PPWD1: variants seen among roughly 807,000 people sequenced by gnomAD.
PPWD1 encodes peptidylprolyl isomerase domain and WD repeat-containing protein 1.
Under a neutral mutation model 68.8 loss-of-function variants are expected in PPWD1, and 43 were observed. The ratio of observed to expected loss-of-function variants is 0.62; its 90% CI spans 0.49 to 0.81. The LOEUF is 0.81. Among genes scored for constraint, PPWD1 ranks in the 30% least tolerant of loss-of-function variants. PPWD1 has a pLI of 0.00. For missense variants in PPWD1, 672 were observed against 804.8 expected (o/e 0.83, Z 2.00); for synonymous variants, 232 against 258.7 (o/e 0.90, Z 0.99).
At chr5:65,569,789 T>A in intron 3 of PPWD1, 57 bp downstream of exon 3, 2 of 1,540,784 alleles carry the variant, frequency 1.3e-6, no homozygotes. Flanking sequence ...TAATTAAAGT[T>A]TAAATTTTTT....
In PPWD1 at chr5:65,576,733, C is replaced by A. The variant is rs539862953; in HGVS notation, c.970-146C>A. The A allele has an allele frequency of 4.0e-5, 53 of 1,336,100 alleles. No homozygotes were observed. In the East Asian group the frequency reaches 1.0e-3, roughly 26 times the overall value. The allele number at this position is 1,336,100 out of a possible 1,614,324, so 82.8% of individuals were successfully genotyped here. On this transcript the variant is annotated intron_variant, in intron 5 of 10. Coordinates refer to ENST00000261308, the MANE Select transcript of PPWD1 (RefSeq NM_015342.4). ...ATGTCTATTTCATATTGTTTAGAAT[C>A]CCTCTTAAGAAGTACAAACAGTTAG...
At position 65,563,531 on chromosome 5, in the gene PPWD1, C is replaced by T. The variant is rs779405896; in HGVS notation, c.196+25C>T. Reference sequence around the variant, plus strand: ...GGTAGCTGCAGACATAGTACCGGGACGAATTGGAGTGCTGCGTCCGCTGAG... The same window carrying T: ...GGTAGCTGCAGACATAGTACCGGGATGAATTGGAGTGCTGCGTCCGCTGAG... On this transcript the variant is annotated intron_variant, in intron 1 of 10. Transcript: ENST00000261308. The T allele has an allele frequency of 4.4e-6, 7 of 1,591,166 alleles. No homozygotes were observed. In the African/African-American group the frequency reaches 9.4e-5, roughly 21 times the overall value.
intron 2 of PPWD1, among the ~76,000 whole-genome samples, chr5:65,568,731 CAA>C (rs1294714976): frequency 6.6e-6 from 1 of 151,956 alleles, no homozygotes; most frequent in Non-Finnish European, 1.5e-5. Flanking sequence ...GTCTTGAAGA[CAA>C]ATTTAATTTC....
intron 4 of PPWD1, 48 bp downstream of exon 4, chr5:65,570,046 G>C: frequency 6.7e-7 from 1 of 1,499,738 alleles, no homozygotes; most frequent in Non-Finnish European, 9.1e-7. Flanking sequence ...GAAGTAATTT[G>C]TAAATCAGAC....
Position 65,579,654 on chromosome 5 carries a change from C to T in PPWD1, c.1350+41C>T, listed in dbSNP as rs182351522. ...AGGAGATTAGACGGTAATGTTCCTT[C>T]CAGTTTGGTTTGACTTTTCTTTGTT... On this transcript the variant is annotated intron_variant, in intron 7 of 10. Coordinates refer to ENST00000261308, the MANE Select transcript of PPWD1 (RefSeq NM_015342.4). 3.0e-5 allele frequency: 40 copies of T among 1,350,964 alleles called. No individual in the cohort carries two copies. In the Admixed American group the frequency reaches 1.0e-3, roughly 35 times the overall value. The allele number at this position is 1,350,964 out of a possible 1,614,324, so 83.7% of individuals were successfully genotyped here.
At chr5:65,569,496 C>T in intron 2 of PPWD1, 136 bp from the exon 3 acceptor site, 1 of 1,029,038 alleles carries the variant, frequency 9.7e-7, no homozygotes, top group Non-Finnish European at 1.3e-6. Context: ...ATATAGTGGT[C>T]TGCTTAAAGA....
chr5:65,567,613 C>G lies in PPWD1; in HGVS notation c.297C>G (p.Thr99=), dbSNP rs926185317. The change falls in exon 2 of 11, where the codon ACC becomes ACG. Residue 99 remains threonine, a splice_region_variant and synonymous_variant. Coordinates refer to ENST00000261308, the MANE Select transcript of PPWD1 (RefSeq NM_015342.4). ...HRDVITHVVC[T]KTDFIITASH... is the part of the protein sequence containing the mutation. ...ATGTTATCACCCATGTGGTATGCAC[C>G]AAGTAAGTCTATCACATCTTTTTTA... 2 of 1,579,824 alleles carry G rather than the reference C, an allele frequency of 1.3e-6. No individual in the cohort carries two copies. Among genetic ancestry groups the G allele is most frequent in the Non-Finnish European group, 1.7e-6 (2 of 1,163,028 alleles).
In PPWD1 at chr5:65,577,017, G is replaced by C. The variant is rs1467856582; in HGVS notation, c.1108G>C (p.Val370Leu). The C allele has an allele frequency of 1.9e-6, 3 of 1,614,082 alleles. No homozygotes were observed. The highest frequency in any genetic ancestry group is 2.5e-6 in the Non-Finnish European group (3 of 1,179,978). The change falls in exon 6 of 11, where the codon GTG becomes CTG. Residue 370 changes from valine (V) to leucine (L), a missense_variant. By Grantham distance (32) the Val-to-Leu change is conservative (BLOSUM62 1). Around this residue, in one of 2 missense-constraint regions of PPWD1, gnomAD observed 484 missense variants for 646.2 expected, o/e 0.75. Coordinates refer to ENST00000261308, the MANE Select transcript of PPWD1 (RefSeq NM_015342.4). Reference protein sequence around the residue: ...NIVFDETGHFVLYGTMLGIKV... With the variant: ...NIVFDETGHFLLYGTMLGIKV... ...AGTTTTTGATGAAACTGGACACTTC[G>C]TGCTGTATGGAACAATGCTGGGCAT...
chr5:65,567,790 C>G (rs1752844074), intron 2 of PPWD1, 175 bp downstream of exon 2: 4 of 1,180,308 alleles, frequency 3.4e-6, no homozygotes, highest in African/African-American at 3.1e-5. Flanking sequence ...AATGCATTCT[C>G]TAAGATAGAA....
chr5:65,563,944 T>A, intron 1 of PPWD1: 1 of 1,090,210 alleles, frequency 9.2e-7, no homozygotes, highest in Non-Finnish European at 1.3e-6. Flanking sequence ...TTTCGAATCA[T>A]GGTAGGTAAA....
In PPWD1 at chr5:65,576,865, G is replaced by T. The variant is rs1581158588; in HGVS notation, c.970-14G>T. The stretch of plus-strand genomic sequence containing the variant: ...GTATATAGAGTTTTTGTTACTAAAT[G>T]GTTTATTTCCTAGATGTTTACTGAA... On this transcript the variant is annotated splice_polypyrimidine_tract_variant and intron_variant, in intron 5 of 10. Coordinates refer to ENST00000261308, the MANE Select transcript of PPWD1 (RefSeq NM_015342.4). 1 of 1,612,144 alleles carries T rather than the reference G, an allele frequency of 6.2e-7. No individual in the cohort carries two copies.
chr5:65,580,624 C>A, intron 7 of PPWD1, among the ~76,000 whole-genome samples: 1 of 152,196 alleles, frequency 6.6e-6, no homozygotes, highest in African/African-American at 2.4e-5. Flanking sequence ...AGCAATTCGC[C>A]TGCCTCAGTC....
At chr5:65,568,742 T>G (rs952385602) in intron 2 of PPWD1, among the ~76,000 whole-genome samples, 3 of 152,082 alleles carry the variant, frequency 2.0e-5, no homozygotes, top group Non-Finnish European at 2.9e-5. Flanking sequence ...AAATTTAATT[T>G]CATATATAAA....
At chr5:65,564,272 CACCTTCCCTT>C (rs1283772794) in intron 1 of PPWD1, among the ~76,000 whole-genome samples, 1 of 150,502 alleles carries the variant, frequency 6.6e-6, no homozygotes, top group Non-Finnish European at 1.5e-5. Context: ...CGTACTTTAG[CACCTTCCCTT>C]AAAAAACTTC....
In PPWD1 at chr5:65,571,958, C is replaced by A. The variant is rs778831414; in HGVS notation, c.641C>A (p.Pro214Gln). The A allele has an allele frequency of 1.9e-6, 3 of 1,613,822 alleles. No individual in the cohort carries two copies. In the African/African-American group the frequency reaches 4.0e-5, roughly 22 times the overall value. Reference sequence around the variant, plus strand: ...TATGATGGCCGAGGAGATAACCAGCCACTTCATATTTTTGACAAACTCCAT... The same window carrying A: ...TATGATGGCCGAGGAGATAACCAGCAACTTCATATTTTTGACAAACTCCAT... ...FIYDGRGDNQ[P>Q]LHIFDKLHTS... The change falls in exon 5 of 11, where the codon CCA becomes CAA. Residue 214 changes from proline to glutamine, a missense_variant. Coordinates refer to ENST00000261308, the MANE Select transcript of PPWD1 (RefSeq NM_015342.4).
Position 65,569,984 on chromosome 5 carries a change from C to T in PPWD1, c.507C>T (p.Asn169=). 6.2e-7 allele frequency: 1 copy of T among 1,610,904 alleles called. No individual in the cohort carries two copies. Among genetic ancestry groups the T allele is most frequent in the Non-Finnish European group, 8.5e-7 (1 of 1,178,022 alleles). ...ATGTAGTGAACTTTGACATGATCAA[C>T]ATGCTGAAACTTGGGTGAGTCTTTT... ...VFDVVNFDMI[N]MLKLGYFPGQ... is the part of the protein sequence containing the mutation. The change falls in exon 4 of 11, where the codon AAC becomes AAT. Residue 169 remains asparagine, a synonymous_variant. Transcript: ENST00000261308.
chr5:65,564,513 G>A lies in PPWD1; in HGVS notation c.196+1007G>A, dbSNP rs1367172427. On this transcript the variant is annotated intron_variant, in intron 1 of 10. Coordinates refer to ENST00000261308, the MANE Select transcript of PPWD1 (RefSeq NM_015342.4). Reference sequence around the variant, plus strand: ...TTTTTGTATTTTTAGTAGGGACGGGGTTTCACCATGTTGGCCAGGATGGTC... The same window carrying A: ...TTTTTGTATTTTTAGTAGGGACGGGATTTCACCATGTTGGCCAGGATGGTC... Among the ~76,000 whole-genome samples, 3 of 152,056 alleles carry A rather than the reference G, an allele frequency of 2.0e-5. No homozygotes were observed. In the East Asian group the frequency reaches 5.8e-4, roughly 29 times the overall value.
chr5:65,586,245 CAGT>C lies in PPWD1; in HGVS notation c.1797+67_1797+69del, dbSNP rs1480953851. On this transcript the variant is annotated intron_variant, in intron 10 of 10. Transcript: ENST00000261308. ...AGGTTATGATGTAAGAGAGTGAACT[CAGT>C]AGAAGAGCTGCATTATTCTGTATTT... 4.2e-6 allele frequency: 6 copies of C among 1,442,148 alleles called. No homozygotes were observed. In the African/African-American group the frequency reaches 5.7e-5, roughly 14 times the overall value. 89.3% of individuals were successfully genotyped at this position (1,442,148 alleles called of 1,614,324 possible).
chr5:65,570,046 G>A (rs1752950214), intron 4 of PPWD1, 48 bp downstream of exon 4: 4 of 1,499,738 alleles, frequency 2.7e-6, no homozygotes, highest in Non-Finnish European at 3.7e-6. Flanking sequence ...GAAGTAATTT[G>A]TAAATCAGAC....
Sources: allele counts gnomAD v4.1 joint callset (sites outside exome capture counted in the v4.1 genomes callset), GRCh38; gene constraint gnomAD v4.1.1; regional missense constraint gnomAD v4.1.1; transcripts MANE v1.5; gene names NCBI Gene and HGNC (gene_info 2026-07-23, HGNC 2026-07-21).